Variants in PCDHGB6 observed in about 807,000 individuals in gnomAD.
PCDHGB6 encodes protocadherin gamma subfamily B, 6, also known as protocadherin gamma-B6.
In PCDHGB6, 51 loss-of-function variants were observed where a neutral mutation model predicts 59.1. The ratio of observed to expected loss-of-function variants is 0.86; its 90% CI spans 0.69 to 1.09. PCDHGB6 has a LOEUF of 1.09. Ranked by LOEUF, PCDHGB6 falls within the 50% of genes least tolerant of loss-of-function variation. PCDHGB6 has a pLI of 0.00. For missense variants in PCDHGB6, 1,148 were observed against 1,205.1 expected (o/e 0.95, Z 0.70); for synonymous variants, 466 against 495.1 (o/e 0.94, Z 0.78).
chr5:141,482,472 CTG>C (rs2099561247), intron 1 of PCDHGB6, among the ~76,000 whole-genome samples: 2 of 136,856 alleles, frequency 1.5e-5, no homozygotes, highest in Non-Finnish European at 3.0e-5. Context: ...GTGCCAGACA[CTG>C]TAAACAATTA....
intron 1 of PCDHGB6, chr5:141,420,410 A>G (rs2096494809): frequency 2.4e-6 from 3 of 1,236,296 alleles, no homozygotes; most frequent in South Asian, 4.4e-5. Flanking sequence ...TATGGTTATC[A>G]TTATTAAAAC....
In PCDHGB6 at chr5:141,512,249, T is replaced by A. The variant is rs1159090773; in HGVS notation, c.*1076T>A. 6.6e-6 allele frequency: 1 copy of A among 152,598 alleles called. No individual in the cohort carries two copies. The allele number at this position is 152,598 out of a possible 1,614,324, so 9.5% of individuals were successfully genotyped here. On this transcript the variant is annotated 3_prime_UTR_variant, in exon 4 of 4. Coordinates refer to ENST00000520790, the MANE Select transcript of PCDHGB6 (RefSeq NM_018926.3). Reference sequence around the variant, plus strand: ...CCTTGAGAGGTCAGAGGGGCCTCTGTGGGTGCTGGGTACTCCAGAGGTGCC... The same window carrying A: ...CCTTGAGAGGTCAGAGGGGCCTCTGAGGGTGCTGGGTACTCCAGAGGTGCC...
At chr5:141,444,918 C>T (rs1197922745) in intron 1 of PCDHGB6, among the ~76,000 whole-genome samples, 1 of 152,106 alleles carries the variant, frequency 6.6e-6, no homozygotes, top group Non-Finnish European at 1.5e-5. Flanking sequence ...ATACCTTTAT[C>T]AGGGAAAGAG....
chr5:141,415,740 GT>G (rs57426385), intron 1 of PCDHGB6: 12,894 of 617,008 alleles, frequency 0.021, 1 homozygote, highest in South Asian at 0.027. Flanking sequence ...GTTTATTAAG[GT>G]TTTTTTTTTT....
At chr5:141,428,197 G>C in intron 1 of PCDHGB6, 3 of 1,385,972 alleles carry the variant, frequency 2.2e-6, no homozygotes, top group Non-Finnish European at 3.0e-6. Flanking sequence ...CGCTCTCTGC[G>C]CCGCTACGCT....
At chr5:141,412,729 T>C (rs1411212101) in intron 1 of PCDHGB6, 1 of 153,332 alleles carries the variant, frequency 6.5e-6, no homozygotes, top group Non-Finnish European at 1.5e-5. Flanking sequence ...GAAAACGTGT[T>C]GCAAATATAT....
intron 1 of PCDHGB6, among the ~76,000 whole-genome samples, chr5:141,439,635 C>T (rs1326926948): frequency 3.3e-5 from 5 of 152,274 alleles, no homozygotes; most frequent in Middle Eastern, 3.4e-3. Context: ...CCAGACATTC[C>T]GGCTTGGTGG....
Position 141,413,494 on chromosome 5 carries a change from G to T in PCDHGB6, c.2418+2874G>T, listed in dbSNP as rs778441176. On this transcript the variant is annotated intron_variant, in intron 1 of 3. Transcript: ENST00000520790. ...GCTCTGCGCTCAGAGCGCGCGGTGCGTGGTGAGTTTTAATATCCTTGTGGA... is the reference window on the plus strand; with the variant it reads ...GCTCTGCGCTCAGAGCGCGCGGTGCTTGGTGAGTTTTAATATCCTTGTGGA... The T allele has an allele frequency of 5.0e-6, 8 of 1,614,042 alleles. No individual in the cohort carries two copies. The East Asian group carries it at 1.3e-4, about 27-fold the overall frequency.
intron 1 of PCDHGB6, chr5:141,428,232 G>C (rs546567556): frequency 9.3e-7 from 1 of 1,071,494 alleles, no homozygotes; most frequent in African/African-American, 1.5e-5. Context: ...CAGACAGCCT[G>C]CAGGAGGCAC....
chr5:141,459,757 G>A (rs1360124889), intron 1 of PCDHGB6, among the ~76,000 whole-genome samples: 3 of 152,162 alleles, frequency 2.0e-5, no homozygotes, highest in Admixed American at 2.0e-4. Context: ...ATTCTAGTGG[G>A]TGTGTGATAC....
chr5:141,417,232 G>C (rs997894028), intron 1 of PCDHGB6: 5 of 152,072 alleles, frequency 3.3e-5, no homozygotes, highest in Non-Finnish European at 7.4e-5. Flanking sequence ...AAAATTTGTT[G>C]CTTATCTTCA....
chr5:141,472,307 C>T (rs949288194), intron 1 of PCDHGB6, among the ~76,000 whole-genome samples: 2 of 150,368 alleles, frequency 1.3e-5, no homozygotes, highest in Admixed American at 6.6e-5. Flanking sequence ...TTTGGGAAGC[C>T]GAGGCAGGCA....
chr5:141,410,084 ACGG>A lies in PCDHGB6; in HGVS notation c.1884_1886del (p.Ala629del), dbSNP rs748556729. 3 of 1,612,532 alleles carry A rather than the reference ACGG, an allele frequency of 1.9e-6. No homozygotes were observed. The highest frequency in any genetic ancestry group is 2.5e-6 in the Non-Finnish European group (3 of 1,179,664). ...GGGGCTGCGCACTGGGGAGGTGCGC[ACGG>A]CTCGAGCCTTAGGCGACAGGGACGC... On this transcript the variant is annotated inframe_deletion, in exon 1 of 4. Coordinates refer to ENST00000520790, the MANE Select transcript of PCDHGB6 (RefSeq NM_018926.3).
At chr5:141,415,688 T>C (rs373105795) in intron 1 of PCDHGB6, 1 of 1,546,006 alleles carries the variant, frequency 6.5e-7, no homozygotes, top group Admixed American at 2.0e-5. Context: ...GGCATGATGG[T>C]GGAAAGTGTA....
intron 1 of PCDHGB6, chr5:141,479,269 A>G (rs1279389471): frequency 6.6e-6 from 1 of 152,374 alleles, no homozygotes; most frequent in African/African-American, 2.4e-5. Flanking sequence ...TAAAAGTAAT[A>G]ATTTATTTCA....
intron 1 of PCDHGB6, among the ~76,000 whole-genome samples, chr5:141,470,888 T>C (rs2099243463): frequency 6.6e-6 from 1 of 151,912 alleles, no homozygotes; most frequent in Non-Finnish European, 1.5e-5. Context: ...GTTTTTGTTT[T>C]TGTTTTTTGT....
rs774079222 is a variant in PCDHGB6 at position 141,491,314 on chromosome 5, C to T, written c.2419-3493C>T. On this transcript the variant is annotated intron_variant, in intron 1 of 3. Coordinates refer to ENST00000520790, the MANE Select transcript of PCDHGB6 (RefSeq NM_018926.3). This position sits in a 1 kb window ranked among gnomAD's most constrained non-coding sequence, Gnocchi z 6.9. ...CCCTCCTGAGCGTTCAGACCTTACC[C>T]TTTACCTCATTGTGGCTCTAGCGAC... The T allele has an allele frequency of 1.9e-6, 3 of 1,614,182 alleles. No individual in the cohort carries two copies. In the South Asian group the frequency reaches 3.3e-5, roughly 18 times the overall value.
intron 1 of PCDHGB6, among the ~76,000 whole-genome samples, chr5:141,482,529 GC>G (rs1229840218): frequency 3.6e-5 from 2 of 56,040 alleles, no homozygotes; most frequent in Non-Finnish European, 5.8e-5. Context: ...AGACAGACAT[GC>G]AAAAAAAAAA....
intron 1 of PCDHGB6, among the ~76,000 whole-genome samples, chr5:141,488,238 C>T (rs374846692): frequency 5.3e-5 from 8 of 152,036 alleles, no homozygotes; most frequent in Non-Finnish European, 1.0e-4. Flanking sequence ...GAACTAGATG[C>T]GGTAAATTGG....
Sources: allele counts gnomAD v4.1 joint callset (sites outside exome capture counted in the v4.1 genomes callset), GRCh38; gene constraint gnomAD v4.1.1; non-coding constraint Gnocchi (gnomAD v3.1); transcripts MANE v1.5; gene names NCBI Gene and HGNC (gene_info 2026-07-23, HGNC 2026-07-21).